The following TJP2 variants were observed in gnomAD, a reference collection of about 807,000 sequenced individuals.
The protein encoded by TJP2 is tight junction protein 2, also known as Friedreich ataxia region gene X104 (tight junction protein ZO-2).
A neutral mutation model predicts 133.1 loss-of-function variants in TJP2; 91 were observed. The observed-to-expected ratio is 0.68, with a 90% CI of 0.58 to 0.81. The LOEUF is 0.81. Ranked by LOEUF, TJP2 falls within the 40% of genes least tolerant of loss-of-function variation. TJP2 has a pLI of 0.00. For missense variants in TJP2, 1,541 were observed against 1,565.6 expected, an observed-to-expected ratio of 0.98 and a Z score of 0.26; for synonymous variants, 592 against 583.4, an observed-to-expected ratio of 1.01 and a Z score of -0.21.
chr9:69,203,320 T>C (rs200414304), intron 1 of TJP2, among the ~76,000 whole-genome samples: 3 of 140,070 alleles, frequency 2.1e-5, no homozygotes, highest in Non-Finnish European at 4.7e-5. Context: ...ATAAATAATT[T>C]ATTATTATTT....
At chr9:69,228,850 C>A (rs1200684648) in intron 9 of TJP2, among the ~76,000 whole-genome samples, 1 of 152,156 alleles carries the variant, frequency 6.6e-6, no homozygotes, top group East Asian at 1.9e-4. Flanking sequence ...TTCCCCACCA[C>A]CCTACAATTA....
chr9:69,236,341 T>A, intron 13 of TJP2, 103 bp downstream of exon 13: 2 of 1,124,544 alleles, frequency 1.8e-6, no homozygotes, highest in Non-Finnish European at 2.6e-6. Flanking sequence ...ACATGATGAG[T>A]TCATTACTTG....
intron 13 of TJP2, among the ~76,000 whole-genome samples, 169 bp downstream of exon 13, chr9:69,236,407 C>T (rs1179945723): frequency 6.6e-6 from 1 of 152,088 alleles, no homozygotes; most frequent in East Asian, 1.9e-4. Flanking sequence ...AGCCACCAGC[C>T]AGTTTATTGT....
Position 69,221,469 on chromosome 9 carries a change from C to T in TJP2, c.925C>T (p.Leu309Phe), listed in dbSNP as rs1455735937. Residue 309 changes from leucine to phenylalanine, a missense_variant, in exon 5 of 23, where the codon CTC becomes TTC. Transcript: ENST00000377245. ...PRGRPGPIGV[L>F]LMKSRANEEY... is the part of the protein sequence containing the mutation. ...GGGGCGGCCGGGGCCCATCGGGGTCCTCCTGATGAAAAGCAGAGCGAACGA... is the reference window on the plus strand; with the variant it reads ...GGGGCGGCCGGGGCCCATCGGGGTCTTCCTGATGAAAAGCAGAGCGAACGA... The T allele has an allele frequency of 6.2e-7, 1 of 1,600,462 alleles. No homozygotes were observed. Among genetic ancestry groups the T allele is most frequent in the East Asian group, 2.3e-5 (1 of 44,416 alleles).
rs1426674054 is a variant in TJP2 at position 69,159,258 on chromosome 9, CT to C, written c.-10+7488del. On this transcript the variant is annotated intron_variant, in intron 2 of 5. Transcript: ENST00000423935. The stretch of plus-strand genomic sequence containing the variant: ...ATCACTTGCGACCAGGAGGTCCAGA[CT>C]GCAATGAGCCAAGATTACGCCACTG... Among the ~76,000 whole-genome samples, 9 of 152,106 alleles carry C rather than the reference CT, an allele frequency of 5.9e-5. 2 individuals are homozygous for C. The Middle Eastern group carries it at 0.017, about 289-fold the overall frequency.
At chr9:69,140,006 G>T (rs1250540511) in intron 1 of TJP2, among the ~76,000 whole-genome samples, 1 of 152,184 alleles carries the variant, frequency 6.6e-6, no homozygotes, top group Non-Finnish European at 1.5e-5. Flanking sequence ...GGCAGGCTTA[G>T]ATCAGTATGG....
chr9:69,153,587 GA>G (rs1031063365), intron 2 of TJP2, among the ~76,000 whole-genome samples: 21 of 151,916 alleles, frequency 1.4e-4, no homozygotes, highest in African/African-American at 4.8e-4. Flanking sequence ...TCTCAAAAAA[GA>G]AAAAAATTGT....
intron 17 of TJP2, among the ~76,000 whole-genome samples, chr9:69,244,575 C>T (rs75416399): frequency 0.01 from 1,583 of 152,258 alleles, 26 homozygotes; most frequent in African/African-American, 0.036. Context: ...ATAGGCATAA[C>T]CCAGAGGTTA....
intron 21 of TJP2, among the ~76,000 whole-genome samples, chr9:69,251,640 A>G (rs1831340350): frequency 6.6e-6 from 1 of 152,162 alleles, no homozygotes; most frequent in Non-Finnish European, 1.5e-5. Context: ...GGAGGGAATC[A>G]GTGCCTCTCG....
rs192512924 is a variant in TJP2, at chr9:69,181,850, A to G, written c.60+7418A>G. ...TGCTCATAAAGTGATGGAAAGATCTATTATTCAGTTGCAGCTTAAATTATG... is the reference window on the plus strand; with the variant it reads ...TGCTCATAAAGTGATGGAAAGATCTGTTATTCAGTTGCAGCTTAAATTATG... On this transcript the variant is annotated intron_variant, in intron 1 of 22. Transcript: ENST00000377245. 5.6e-4 allele frequency among the ~76,000 whole-genome samples: 86 copies of G among 152,308 alleles called. 1 individual carries two copies. Among genetic ancestry groups the G allele is most frequent in the Middle Eastern group, 3.4e-3 (1 of 294 alleles).
chr9:69,246,527 G>T, intron 17 of TJP2, 163 bp from the exon 18 acceptor site: 1 of 679,444 alleles, frequency 1.5e-6, no homozygotes, highest in Admixed American at 2.1e-5. Context: ...AGTTTTAATT[G>T]CATTCATTAA....
intron 1 of TJP2, among the ~76,000 whole-genome samples, chr9:69,141,940 G>A (rs1823036402): frequency 2.0e-5 from 3 of 152,188 alleles, no homozygotes; most frequent in Admixed American, 6.5e-5. Context: ...CTAGCTGTAC[G>A]AATGATGGAA....
chr9:69,176,462 A>G, intron 1 of TJP2, among the ~76,000 whole-genome samples: 1 of 152,230 alleles, frequency 6.6e-6, no homozygotes, highest in Non-Finnish European at 1.5e-5. Context: ...GTTGTTGTTC[A>G]CACTCTGTTA....
At chr9:69,222,711 C>T (rs942326258) in intron 5 of TJP2, among the ~76,000 whole-genome samples, 10 of 152,126 alleles carry the variant, frequency 6.6e-5, no homozygotes, top group Non-Finnish European at 1.3e-4. Flanking sequence ...CAAAGCAGTG[C>T]ATCACCTGGG....
At chr9:69,183,984 G>A (rs1825685480) in intron 1 of TJP2, among the ~76,000 whole-genome samples, 1 of 152,142 alleles carries the variant, frequency 6.6e-6, no homozygotes, top group Non-Finnish European at 1.5e-5. Context: ...CAAAATGCTG[G>A]GATTATAAAT....
intron 1 of TJP2, among the ~76,000 whole-genome samples, chr9:69,200,216 G>A (rs1826886022): frequency 9.1e-6 from 1 of 110,070 alleles, no homozygotes; most frequent in Non-Finnish European, 2.1e-5. Context: ...GCTCTGAACG[G>A]GCTGTTCCCT....
chr9:69,149,764 C>A (rs1342622560), intron 1 of TJP2, among the ~76,000 whole-genome samples: 1 of 152,146 alleles, frequency 6.6e-6, no homozygotes, highest in African/African-American at 2.4e-5. Flanking sequence ...TAAGAATTTG[C>A]AGAAGGGGTA....
At chr9:69,207,195 G>C (rs918832898) in intron 1 of TJP2, among the ~76,000 whole-genome samples, 18 of 152,084 alleles carry the variant, frequency 1.2e-4, no homozygotes, top group African/African-American at 3.6e-4. Context: ...AGTGAAAAAC[G>C]CATACCAAAA....
At position 69,206,775 on chromosome 9, in the gene TJP2, A is replaced by C. The variant is rs1257101733; in HGVS notation, c.61-5773A>C. On this transcript the variant is annotated intron_variant, in intron 1 of 22. Transcript: ENST00000377245. ...TGTATTTTTAGTAGAGATGGGGTTT[A>C]ACCATGTTAGTCAGTATGGTCTTGA... 5.9e-5 allele frequency among the ~76,000 whole-genome samples: 9 copies of C among 151,808 alleles called. No homozygotes were observed. The South Asian group carries it at 1.5e-3, about 24-fold the overall frequency.
Sources: allele counts gnomAD v4.1 joint callset (sites outside exome capture counted in the v4.1 genomes callset), GRCh38; gene constraint gnomAD v4.1.1; transcripts MANE v1.5; gene names NCBI Gene and HGNC (gene_info 2026-07-23, HGNC 2026-07-21).